Variants in CNTNAP2 observed in about 807,000 individuals in gnomAD.
The protein encoded by CNTNAP2 is contactin associated protein 2.
In CNTNAP2, 98 loss-of-function variants were observed where a neutral mutation model predicts 155.2. That is an observed-to-expected ratio of 0.63 (90% CI 0.54 to 0.75). CNTNAP2 has a LOEUF of 0.75. CNTNAP2 is among the 30% of genes least tolerant of loss of function. The pLI is 0.00. For synonymous variants in CNTNAP2, 651 were observed against 631.2 expected (o/e 1.03, Z -0.47); for missense variants, 1,727 against 1,688.1 (o/e 1.02, Z -0.40).
At chr7:147,116,250 G>A (rs1800987300) in intron 5 of CNTNAP2, among the ~76,000 whole-genome samples, 1 of 152,210 alleles carries the variant, frequency 6.6e-6, no homozygotes, top group South Asian at 2.1e-4. Flanking sequence ...TGTGCCTGGA[G>A]GAAGTGGTTG....
rs60993956 is a variant in CNTNAP2, at chr7:146,633,832, G to GAAAAAAAAAAAA, written c.98-140426_98-140415dup. ...GCAACAGAGCGAGACTGCATCTAGA[G>GAAAAAAAAAAAA]AAAAAAAAAAAAAAAAAAAAAAAAC... is the stretch of plus-strand genomic sequence containing the variant. On this transcript the variant is annotated intron_variant, in intron 1 of 23. Transcript: ENST00000361727. Among the ~76,000 whole-genome samples the GAAAAAAAAAAAA allele has an allele frequency of 3.2e-3, 252 of 79,024 alleles. 15 individuals are homozygous for GAAAAAAAAAAAA. Among genetic ancestry groups the GAAAAAAAAAAAA allele is most frequent in the African/African-American group, 0.011 (181 of 16,620 alleles). The allele number at this position is 79,024 out of a possible 152,430, so 51.8% of individuals were successfully genotyped here.
intron 8 of CNTNAP2, among the ~76,000 whole-genome samples, chr7:147,206,725 C>G (rs541501020): frequency 6.6e-6 from 1 of 152,082 alleles, no homozygotes; most frequent in African/African-American, 2.4e-5. Context: ...AAAAAGATTC[C>G]TATTTTTTGA....
At chr7:148,187,250 C>G (rs935881928) in intron 18 of CNTNAP2, among the ~76,000 whole-genome samples, 1 of 152,030 alleles carries the variant, frequency 6.6e-6, no homozygotes, top group Non-Finnish European at 1.5e-5. Flanking sequence ...CACACCGTAT[C>G]CATGCTTTTG....
At chr7:147,179,767 C>A (rs1802417494) in intron 8 of CNTNAP2, among the ~76,000 whole-genome samples, 1 of 152,028 alleles carries the variant, frequency 6.6e-6, no homozygotes, top group Admixed American at 6.6e-5. Flanking sequence ...TAGGAAAACT[C>A]CAGTGGTTTT....
At chr7:146,293,467 C>T (rs572999369) in intron 1 of CNTNAP2, among the ~76,000 whole-genome samples, 2 of 152,272 alleles carry the variant, frequency 1.3e-5, no homozygotes, top group East Asian at 3.9e-4. Flanking sequence ...CAACATGAAA[C>T]TCTCATGGAA....
At chr7:147,382,999 G>C (rs1256304847) in intron 9 of CNTNAP2, among the ~76,000 whole-genome samples, 1 of 152,006 alleles carries the variant, frequency 6.6e-6, no homozygotes, top group Non-Finnish European at 1.5e-5. Context: ...TTCCTAATGA[G>C]ATTATAGCAT....
chr7:148,119,492 CGCCACT>C (rs1010952436), intron 16 of CNTNAP2, among the ~76,000 whole-genome samples: 19 of 152,104 alleles, frequency 1.2e-4, no homozygotes, highest in Non-Finnish European at 2.4e-4. Context: ...GCCTAGATTG[CGCCACT>C]GCACTCAAGC....
At chr7:146,566,740 A>T (rs1054833219) in intron 1 of CNTNAP2, among the ~76,000 whole-genome samples, 35 of 152,140 alleles carry the variant, frequency 2.3e-4, no homozygotes, top group Non-Finnish European at 4.4e-4. Context: ...AATTAAAAAA[A>T]AGGAAAAGTA....
intron 16 of CNTNAP2, among the ~76,000 whole-genome samples, chr7:148,132,357 A>G (rs1804848295): frequency 6.7e-6 from 1 of 150,178 alleles, no homozygotes; most frequent in Admixed American, 6.6e-5. Context: ...TTTCTTTTGT[A>G]TTGCTGTTTT....
At chr7:148,052,165 T>C (rs1802905119) in intron 15 of CNTNAP2, among the ~76,000 whole-genome samples, 1 of 150,116 alleles carries the variant, frequency 6.7e-6, no homozygotes. Context: ...AAAAAGCCCT[T>C]GTAAGCATAA....
At chr7:147,793,715 G>A (rs1267998105) in intron 13 of CNTNAP2, among the ~76,000 whole-genome samples, 2 of 151,772 alleles carry the variant, frequency 1.3e-5, no homozygotes, top group Non-Finnish European at 2.9e-5. Context: ...AATCAGGTGG[G>A]GATTTAATAC....
chr7:148,086,995 C>A (rs191227488), intron 15 of CNTNAP2, among the ~76,000 whole-genome samples: 2 of 152,190 alleles, frequency 1.3e-5, no homozygotes, highest in South Asian at 2.1e-4. Context: ...TGTTGGAATA[C>A]CTTCTTGGAA....
chr7:146,916,777 A>T (rs1916942), intron 3 of CNTNAP2, among the ~76,000 whole-genome samples: 66,052 of 151,834 alleles, frequency 0.44, 15,389 homozygotes, highest in African/African-American at 0.57. Context: ...AGCTTTTTGT[A>T]TCATTTATCT....
chr7:147,807,409 C>T (rs1225734936), intron 13 of CNTNAP2, among the ~76,000 whole-genome samples: 2 of 150,330 alleles, frequency 1.3e-5, no homozygotes, highest in African/African-American at 4.9e-5. Context: ...TCCCCATTAA[C>T]CTGATTTTTA....
rs1554447384 is a variant in CNTNAP2 at position 146,550,420 on chromosome 7, T to TG, written c.98-223851_98-223850insG. On this transcript the variant is annotated intron_variant, in intron 1 of 23. Coordinates refer to ENST00000361727, the MANE Select transcript of CNTNAP2 (RefSeq NM_014141.6). ...TAATCTGTTTTTTTTTTTTTTTTTT[T>TG]TTTTTTTTTATAAAGTACCCGAGAT... 3.6e-4 allele frequency among the ~76,000 whole-genome samples: 50 copies of TG among 138,378 alleles called. 1 individual carries two copies. Among genetic ancestry groups the TG allele is most frequent in the South Asian group, 9.6e-4 (4 of 4,156 alleles). 90.8% of individuals were successfully genotyped at this position (138,378 alleles called of 152,430 possible).
intron 11 of CNTNAP2, among the ~76,000 whole-genome samples, chr7:147,547,471 G>A (rs1422114902): frequency 6.6e-6 from 1 of 152,118 alleles, no homozygotes; most frequent in East Asian, 1.9e-4. Flanking sequence ...TCTTCTCCCT[G>A]CCTGCTAGGG....
intron 21 of CNTNAP2, among the ~76,000 whole-genome samples, chr7:148,371,398 T>C (rs1447239860): frequency 1.3e-5 from 2 of 152,196 alleles, no homozygotes; most frequent in Non-Finnish European, 2.9e-5. Flanking sequence ...TAGTTATATC[T>C]AGGGAAATCA....
intron 21 of CNTNAP2, among the ~76,000 whole-genome samples, chr7:148,351,744 C>CAAAAAAAAAAAAAAAAAA (rs71188974): frequency 2.9e-4 from 25 of 85,368 alleles, no homozygotes; most frequent in African/African-American, 4.6e-4. Context: ...CTCTGTCTCA[C>CAAAAAAAAAAAAAAAAAA]AAAAAAAAAA....
chr7:148,013,789 A>T lies in CNTNAP2; in HGVS notation c.2383+35800A>T, dbSNP rs190295119. On this transcript the variant is annotated intron_variant, in intron 15 of 23. Coordinates refer to ENST00000361727, the MANE Select transcript of CNTNAP2 (RefSeq NM_014141.6). ...CTGATGTGGACAGCAAATAAGTTTG[A>T]TGGTATTGTTTGTCATAAAGTTAAG... Among the ~76,000 whole-genome samples, 8 of 152,226 alleles carry T rather than the reference A, an allele frequency of 5.3e-5. No individual in the cohort carries two copies. The East Asian group carries it at 1.4e-3, about 26-fold the overall frequency.
Sources: gnomAD v4.1 joint callset for allele counts (sites outside exome capture counted in the v4.1 genomes callset) on GRCh38, gnomAD v4.1.1 for gene constraint, MANE v1.5 for transcripts, NCBI Gene and HGNC (gene_info 2026-07-23, HGNC 2026-07-21) for gene names.